The following DIAPH3 variants were observed in gnomAD, a reference collection of about 807,000 sequenced individuals.
DIAPH3 encodes the protein diaphanous related formin 3.
DIAPH3 carries 117 observed loss-of-function variants against 144.3 expected under a neutral mutation model. That is an observed-to-expected ratio of 0.81 (90% CI 0.70 to 0.95). DIAPH3 has a LOEUF of 0.95. Among genes scored for constraint, DIAPH3 ranks in the 40% least tolerant of loss-of-function variants. DIAPH3 has a pLI of 0.00. For missense variants in DIAPH3, 1,421 were observed against 1,412.7 expected (o/e 1.01, Z -0.09); for synonymous variants, 519 against 488.9 (o/e 1.06, Z -0.81).
chr13:59,984,042 T>C (rs775126923), intron 12 of DIAPH3, among the ~76,000 whole-genome samples, 155 bp from the exon 13 acceptor site: 4 of 151,708 alleles, frequency 2.6e-5, no homozygotes, highest in Admixed American at 6.6e-5. Context: ...GGAGTGAGAG[T>C]AAATACAATT....
At chr13:59,687,059 C>T (rs1168681441) in intron 27 of DIAPH3, among the ~76,000 whole-genome samples, 8 of 152,038 alleles carry the variant, frequency 5.3e-5, no homozygotes, top group Non-Finnish European at 1.0e-4. Context: ...ATATTAAAAA[C>T]AAAAGGTTAG....
At chr13:59,833,070 T>TA (rs749732852) in intron 24 of DIAPH3, 37 bp downstream of exon 24, 5 of 1,520,236 alleles carry the variant, frequency 3.3e-6, no homozygotes, top group African/African-American at 2.8e-5. Context: ...ATAGTATAAA[T>TA]AAAAAAACTT....
intron 27 of DIAPH3, among the ~76,000 whole-genome samples, chr13:59,750,733 T>C (rs1054661659): frequency 6.6e-6 from 1 of 152,144 alleles, no homozygotes; most frequent in Non-Finnish European, 1.5e-5. Flanking sequence ...CAGTTTTAGA[T>C]GGAAATAAAA....
intron 21 of DIAPH3, among the ~76,000 whole-genome samples, chr13:59,867,915 A>T (rs2044026042): frequency 6.6e-6 from 1 of 152,172 alleles, no homozygotes; most frequent in South Asian, 2.1e-4. Context: ...GAATACAAAT[A>T]TATTTTTTAA....
chr13:59,988,113 A>G (rs1471399377), intron 12 of DIAPH3, among the ~76,000 whole-genome samples: 1 of 151,872 alleles, frequency 6.6e-6, no homozygotes, highest in Non-Finnish European at 1.5e-5. Context: ...AAAATCCACT[A>G]CAGCTTAACA....
chr13:59,759,941 C>G (rs985718919), intron 27 of DIAPH3, among the ~76,000 whole-genome samples: 2 of 147,404 alleles, frequency 1.4e-5, no homozygotes, highest in Non-Finnish European at 3.0e-5. Context: ...GTGTGAGACT[C>G]CATCTCAAAA....
chr13:60,086,307 T>A (rs953149270), intron 4 of DIAPH3, among the ~76,000 whole-genome samples: 23 of 152,314 alleles, frequency 1.5e-4, no homozygotes, highest in African/African-American at 5.3e-4. Context: ...GAATTTTAGC[T>A]GTTGGAAGAT....
At chr13:59,737,907 C>T (rs1010555556) in intron 27 of DIAPH3, among the ~76,000 whole-genome samples, 5 of 152,138 alleles carry the variant, frequency 3.3e-5, no homozygotes, top group African/African-American at 4.8e-5. Context: ...TGGCTCATGG[C>T]TATAATCCCA....
intron 17 of DIAPH3, 100 bp downstream of exon 17, chr13:59,969,844 A>G: frequency 1.4e-6 from 1 of 730,014 alleles, no homozygotes; most frequent in Non-Finnish European, 2.3e-6. Context: ...AATAACATGT[A>G]CAGGATTCAT....
At chr13:59,683,578 G>A (rs1471982416) in intron 27 of DIAPH3, among the ~76,000 whole-genome samples, 1 of 152,146 alleles carries the variant, frequency 6.6e-6, no homozygotes, top group African/African-American at 2.4e-5. Context: ...AGGAAGCTAT[G>A]TAGAAATGCA....
chr13:60,030,806 C>T (rs1467601817), intron 5 of DIAPH3, among the ~76,000 whole-genome samples: 1 of 152,174 alleles, frequency 6.6e-6, no homozygotes, highest in East Asian at 1.9e-4. Context: ...ATCACACTAG[C>T]AATATTTCAA....
At chr13:60,000,155 C>T (rs1037671813) in intron 9 of DIAPH3, among the ~76,000 whole-genome samples, 2 of 152,042 alleles carry the variant, frequency 1.3e-5, no homozygotes, top group African/African-American at 4.8e-5. Context: ...TCCAGAGACA[C>T]CAATAGCCTG....
chr13:59,672,443 C>T (rs1360583902), intron 27 of DIAPH3, among the ~76,000 whole-genome samples: 1 of 152,172 alleles, frequency 6.6e-6, no homozygotes, highest in African/African-American at 2.4e-5. Flanking sequence ...TTTGGTCTCT[C>T]CTCGCAATTC....
intron 5 of DIAPH3, among the ~76,000 whole-genome samples, chr13:60,037,855 T>C (rs1035935445): frequency 1.3e-4 from 20 of 152,082 alleles, no homozygotes; most frequent in African/African-American, 4.6e-4. Flanking sequence ...TTATAATAGA[T>C]ATTCCTAAAA....
intron 25 of DIAPH3, among the ~76,000 whole-genome samples, chr13:59,795,706 GC>G (rs2039565155): frequency 1.3e-5 from 2 of 152,002 alleles, no homozygotes; most frequent in South Asian, 4.2e-4. Flanking sequence ...ACCTGCCTCA[GC>G]CTCCCAAAGT....
chr13:59,850,835 C>G (rs10467392), intron 22 of DIAPH3, among the ~76,000 whole-genome samples: 4 of 147,480 alleles, frequency 2.7e-5, no homozygotes, highest in Non-Finnish European at 4.5e-5. Flanking sequence ...GGAAGAAGTT[C>G]AATCTCTGAA....
chr13:60,043,459 G>T (rs943495835), intron 4 of DIAPH3, among the ~76,000 whole-genome samples: 18 of 152,074 alleles, frequency 1.2e-4, no homozygotes, highest in African/African-American at 4.3e-4. Context: ...CATTAGGGAG[G>T]CAAAGAATGA....
intron 9 of DIAPH3, among the ~76,000 whole-genome samples, chr13:60,005,035 CAGT>C (rs1425114258): frequency 2.6e-5 from 4 of 152,260 alleles, no homozygotes; most frequent in Admixed American, 2.6e-4. Context: ...GGCAAATAAG[CAGT>C]AGTTTAAAAA....
intron 27 of DIAPH3, among the ~76,000 whole-genome samples, chr13:59,692,839 CT>C (rs1203864822): frequency 6.6e-6 from 1 of 152,136 alleles, no homozygotes; most frequent in Non-Finnish European, 1.5e-5. Context: ...TCTAATTTAC[CT>C]GTCAAAAGTG....
Sources: allele counts gnomAD v4.1 joint callset (sites outside exome capture counted in the v4.1 genomes callset), GRCh38; gene constraint gnomAD v4.1.1; transcripts MANE v1.5; gene names NCBI Gene and HGNC (gene_info 2026-07-23, HGNC 2026-07-21).